The following A4GALT variants were observed in gnomAD, a reference collection of about 807,000 sequenced individuals.
A4GALT encodes the protein alpha 1,4-galactosyltransferase (P1PK blood group).
For synonymous variants in A4GALT, 257 were observed against 220.7 expected (o/e 1.16, Z -1.46); for missense variants, 512 against 486.0 (o/e 1.05, Z -0.50).
In A4GALT at chr22:42,692,436, C is replaced by T. The variant is rs1043006226; in HGVS notation, c.*454G>A. ...AACCAGAAAAGAACAAAGCATCCTC[C>T]GCCCCGGACCCTTGGGGCTGGGTCT... On this transcript the variant is annotated 3_prime_UTR_variant, in exon 3 of 3. Coordinates refer to ENST00000642412, the MANE Select transcript of A4GALT (RefSeq NM_017436.7). The surrounding 1 kb of genome is among the most constrained non-coding windows in gnomAD (Gnocchi z 4.6). The T allele has an allele frequency of 3.2e-5, 11 of 338,844 alleles. No individual in the cohort carries two copies. The highest frequency in any genetic ancestry group is 9.1e-5 in the South Asian group (4 of 43,988). 21.0% of individuals were successfully genotyped at this position (338,844 alleles called of 1,614,324 possible).
Position 42,693,513 on chromosome 22 carries a change from G to T in A4GALT, c.439C>A (p.Arg147=), listed in dbSNP as rs753279376. Residue 147 remains arginine, a synonymous_variant, in exon 3 of 3, where the codon CGG becomes AGG. Coordinates refer to ENST00000642412, the MANE Select transcript of A4GALT (RefSeq NM_017436.7). Reference sequence around the variant, plus strand: ...AGGGGTGTGTCCCGGAACAGCTCCCGCAGGTCCAGCGGGAGCATCTGGACA... The same window carrying T: ...AGGGGTGTGTCCCGGAACAGCTCCCTCAGGTCCAGCGGGAGCATCTGGACA... ...PNVQMLPLDL[R]ELFRDTPLAD... The T allele has an allele frequency of 1.9e-6, 3 of 1,613,092 alleles. No individual in the cohort carries two copies. The highest frequency in any genetic ancestry group is 1.7e-5 in the Admixed American group (1 of 60,004).
chr22:42,708,752 G>A (rs139153365), intron 1 of A4GALT, among the ~76,000 whole-genome samples: 1 of 152,104 alleles, frequency 6.6e-6, no homozygotes, highest in African/African-American at 2.4e-5. Flanking sequence ...AACGCTAAAT[G>A]GGAAAATAAC....
chr22:42,701,814 C>T (rs1381204731), intron 1 of A4GALT, among the ~76,000 whole-genome samples: 2 of 152,120 alleles, frequency 1.3e-5, no homozygotes, highest in Admixed American at 6.5e-5. Flanking sequence ...AGCCAGGAAC[C>T]GTCAAGGTAG....
chr22:42,699,467 C>T (rs5758870), intron 1 of A4GALT, among the ~76,000 whole-genome samples: 38,274 of 152,132 alleles, frequency 0.25, 5,993 homozygotes, highest in South Asian at 0.39. Flanking sequence ...TGAGTGGCCA[C>T]GACCCTCCTG....
chr22:42,706,111 T>G (rs1921074296), intron 1 of A4GALT, among the ~76,000 whole-genome samples: 1 of 113,464 alleles, frequency 8.8e-6, no homozygotes, highest in Non-Finnish European at 2.0e-5. Flanking sequence ...ATCTCAGCAC[T>G]TTGGGAGGCC....
chr22:42,702,298 C>T (rs1013975642), intron 1 of A4GALT, among the ~76,000 whole-genome samples: 1 of 150,282 alleles, frequency 6.7e-6, no homozygotes, highest in African/African-American at 2.5e-5. Context: ...ACTTGTGTCC[C>T]CCCCCGGAAA....
intron 1 of A4GALT, among the ~76,000 whole-genome samples, chr22:42,703,143 T>TGTGTGTGTGTGTGTGTGTGTGTGTGTG (rs1555887019): frequency 5.4e-5 from 8 of 148,200 alleles, no homozygotes; most frequent in African/African-American, 1.8e-4. Flanking sequence ...TGTGTGTGTG[T>TGTGTGTGTGTGTGTGTGTGTGTGTGTG]TGTCCCCACC....
intron 1 of A4GALT, among the ~76,000 whole-genome samples, chr22:42,699,041 CA>C (rs922907570): frequency 9.2e-5 from 14 of 152,006 alleles, no homozygotes; most frequent in Admixed American, 4.6e-4. Context: ...AATGGGTAAG[CA>C]GCAGCCCTAG....
intron 1 of A4GALT, among the ~76,000 whole-genome samples, chr22:42,709,287 CA>C (rs1301957420): frequency 6.8e-6 from 1 of 148,130 alleles, no homozygotes; most frequent in Non-Finnish European, 1.5e-5. Context: ...CCTAGGCTCC[CA>C]CCTGCCTTGG....
At chr22:42,711,229 T>C (rs1351637665) in intron 1 of A4GALT, among the ~76,000 whole-genome samples, 1 of 152,170 alleles carries the variant, frequency 6.6e-6, no homozygotes, top group South Asian at 2.1e-4. Context: ...TTATAAGTAA[T>C]AGAAATGCAA....
At chr22:42,715,964 G>A (rs1342310933) in intron 1 of A4GALT, among the ~76,000 whole-genome samples, 2 of 151,872 alleles carry the variant, frequency 1.3e-5, no homozygotes, top group African/African-American at 2.4e-5. Context: ...TCCTGAGTAG[G>A]TGGGATTACA....
rs778387354 is a variant in A4GALT, at chr22:42,692,954, AGTGCCCTGGACGTGGCCTCGAACCGC to A, written c.972_997del (p.Arg325AlafsTer113). 8.1e-6 allele frequency: 13 copies of A among 1,611,926 alleles called. No individual in the cohort carries two copies. The highest frequency in any genetic ancestry group is 1.3e-5 in the African/African-American group (1 of 74,894). On this transcript the variant is annotated frameshift_variant, in exon 3 of 3. Coordinates refer to ENST00000642412, the MANE Select transcript of A4GALT (RefSeq NM_017436.7). LOFTEE classifies it high-confidence loss of function. The surrounding 1 kb of genome is among the most constrained non-coding windows in gnomAD (Gnocchi z 4.6). ...GTAGCGGGCATGCAGCTGGGCCAGC[AGTGCCCTGGACGTGGCCTCGAACCGC>A]GTGCCCTGGCTCTTCTTGTTCCACA...
chr22:42,715,914 A>C (rs1602027633), intron 1 of A4GALT, among the ~76,000 whole-genome samples: 1 of 149,772 alleles, frequency 6.7e-6, no homozygotes, highest in Non-Finnish European at 1.5e-5. Flanking sequence ...CTCACTGCAA[A>C]CTCCGCCTCC....
At chr22:42,705,460 G>A (rs577266849) in intron 1 of A4GALT, among the ~76,000 whole-genome samples, 22,778 of 107,960 alleles carry the variant, frequency 0.21, 3,736 homozygotes, top group Middle Eastern at 0.34. Context: ...AAAATTAGCT[G>A]GGCATGGTGG....
intron 1 of A4GALT, among the ~76,000 whole-genome samples, chr22:42,704,648 G>A (rs1466972398): frequency 6.6e-6 from 1 of 152,048 alleles, no homozygotes; most frequent in Non-Finnish European, 1.5e-5. Flanking sequence ...AGGCGGTCTT[G>A]CTGTCTGGGT....
Position 42,693,909 on chromosome 22 carries a change from C to T in A4GALT, c.43G>A (p.Ala15Thr), listed in dbSNP as rs1279378344. The change falls in exon 3 of 3, where the codon GCC becomes ACC. Residue 15 changes from alanine (A) to threonine (T), a missense_variant. Transcript: ENST00000642412. ...PDLLLRLLRG[A>T]PRQRVCTLFI... Reference sequence around the variant, plus strand: ...AGGGTGCAGACCCGCTGCCTTGGGGCGCCCCGGAGCAGCCGCAGCAGGAGG... The same window carrying T: ...AGGGTGCAGACCCGCTGCCTTGGGGTGCCCCGGAGCAGCCGCAGCAGGAGG... 4 of 1,606,176 alleles carry T rather than the reference C, an allele frequency of 2.5e-6. No homozygotes were observed. The highest frequency in any genetic ancestry group is 1.7e-5 in the Admixed American group (1 of 59,160).
Position 42,692,510 on chromosome 22 carries a change from A to C in A4GALT, c.*380T>G, listed in dbSNP as rs963562996. 1.3e-5 allele frequency: 5 copies of C among 377,944 alleles called. No individual in the cohort carries two copies. The highest frequency in any genetic ancestry group is 6.3e-5 in the African/African-American group (3 of 47,788). 23.4% of individuals were successfully genotyped at this position (377,944 alleles called of 1,614,324 possible). On this transcript the variant is annotated 3_prime_UTR_variant, in exon 3 of 3. Coordinates refer to ENST00000642412, the MANE Select transcript of A4GALT (RefSeq NM_017436.7). The surrounding 1 kb of genome is among the most constrained non-coding windows in gnomAD (Gnocchi z 4.6). ...CCAACAGCCTCCTCTCCTCTCTGGGAATCTTGTCCCTTCTTCCCCATCCCC... is the reference window on the plus strand; with the variant it reads ...CCAACAGCCTCCTCTCCTCTCTGGGCATCTTGTCCCTTCTTCCCCATCCCC...
chr22:42,714,274 CAAAAAAAAAAA>C (rs1163088658), intron 1 of A4GALT, among the ~76,000 whole-genome samples: 202 of 16,122 alleles, frequency 0.013, no homozygotes, highest in Middle Eastern at 0.083. Context: ...GACTCTGTCT[CAAAAAAAAAAA>C]AAAAAAAAAA....
At chr22:42,717,646 C>G (rs1433059576) in intron 1 of A4GALT, among the ~76,000 whole-genome samples, 1 of 152,114 alleles carries the variant, frequency 6.6e-6, no homozygotes, top group African/African-American at 2.4e-5. Context: ...GCTTTCCCAT[C>G]AGCTCATAAA....
Sources: gnomAD v4.1 joint callset for allele counts (sites outside exome capture counted in the v4.1 genomes callset) on GRCh38, gnomAD v4.1.1 for gene constraint, Gnocchi (gnomAD v3.1) non-coding constraint, MANE v1.5 for transcripts, NCBI Gene and HGNC (gene_info 2026-07-23, HGNC 2026-07-21) for gene names.